ITGA8: variants seen among roughly 807,000 people sequenced by gnomAD.
ITGA8 encodes integrin subunit alpha 8.
A neutral mutation model predicts 142.3 loss-of-function variants in ITGA8; 91 were observed. The observed-to-expected ratio is 0.64, with a 90% CI of 0.54 to 0.76. The LOEUF is 0.76. ITGA8 is among the 30% of genes least tolerant of loss of function. The pLI, the probability that ITGA8 is intolerant of heterozygous loss-of-function variation, is 0.00. For missense variants in ITGA8, 1,406 were observed against 1,327.7 expected (o/e 1.06, Z -0.92); for synonymous variants, 505 against 485.2 (o/e 1.04, Z -0.54).
intron 2 of ITGA8, among the ~76,000 whole-genome samples, chr10:15,689,171 A>G (rs1164561994): frequency 6.6e-6 from 1 of 152,126 alleles, no homozygotes; most frequent in African/African-American, 2.4e-5. Flanking sequence ...ACATACAAAA[A>G]CCCCATTTAC....
intron 21 of ITGA8, among the ~76,000 whole-genome samples, chr10:15,592,763 C>T (rs1334342600): frequency 2.0e-5 from 3 of 152,158 alleles, no homozygotes; most frequent in East Asian, 3.8e-4. Context: ...CACCACCACA[C>T]CTGGTTAACT....
intron 21 of ITGA8, among the ~76,000 whole-genome samples, chr10:15,593,223 T>A (rs1177383082): frequency 6.6e-6 from 1 of 152,230 alleles, no homozygotes; most frequent in Non-Finnish European, 1.5e-5. Context: ...CTGCTTTTAT[T>A]ATTTTCATAA....
intron 13 of ITGA8, among the ~76,000 whole-genome samples, chr10:15,624,537 G>T (rs1024119592): frequency 2.6e-5 from 4 of 152,090 alleles, no homozygotes; most frequent in Non-Finnish European, 5.9e-5. Flanking sequence ...CCAGTTTCTG[G>T]CTTTCTCCCT....
chr10:15,611,819 A>G (rs12413989), intron 15 of ITGA8, among the ~76,000 whole-genome samples: 2 of 151,434 alleles, frequency 1.3e-5, no homozygotes, highest in African/African-American at 2.4e-5. Context: ...AAAAAAAAAA[A>G]ACCACACACT....
intron 24 of ITGA8, 94 bp downstream of exon 24, chr10:15,575,395 T>A: frequency 1.1e-6 from 1 of 902,928 alleles, no homozygotes; most frequent in Non-Finnish European, 1.8e-6. Flanking sequence ...GTCTCAATAA[T>A]AATAATGATA....
chr10:15,645,188 T>C (rs1245521229), intron 12 of ITGA8, among the ~76,000 whole-genome samples: 4 of 152,118 alleles, frequency 2.6e-5, no homozygotes, highest in Admixed American at 6.6e-5. Flanking sequence ...AGGAACACTT[T>C]CGACACTTTC....
chr10:15,672,660 C>T lies in ITGA8; in HGVS notation c.766G>A (p.Glu256Lys). ...TCATCATAGGAAGCTGGAGCCACTT[C>T]CGTCTGCTTTTCTCCTGCCAGTTTC... ...LRKLAGEKQTEVAPASYDDSY... is the reference protein window; with the variant it reads ...LRKLAGEKQTKVAPASYDDSY... The change falls in exon 7 of 30, where the codon GAA (glutamate) becomes AAA (lysine). Residue 256 changes from glutamate to lysine, a missense_variant. Transcript: ENST00000378076. 1 of 1,613,858 alleles carries T rather than the reference C, an allele frequency of 6.2e-7. No individual in the cohort carries two copies. The highest frequency in any genetic ancestry group is 2.2e-5 in the East Asian group (1 of 44,838).
intron 7 of ITGA8, among the ~76,000 whole-genome samples, 181 bp from the exon 8 acceptor site, chr10:15,671,828 A>T (rs1199393758): frequency 6.6e-6 from 1 of 150,826 alleles, no homozygotes; most frequent in African/African-American, 2.4e-5. Flanking sequence ...ACACTTTTAT[A>T]CTAAGTCCTG....
intron 13 of ITGA8, among the ~76,000 whole-genome samples, chr10:15,627,854 A>T (rs1047209550): frequency 1.3e-5 from 2 of 152,120 alleles, no homozygotes; most frequent in African/African-American, 2.4e-5. Flanking sequence ...ATTCTGAGTC[A>T]CAGGATGAGA....
At chr10:15,662,656 C>A (rs1394044099) in intron 8 of ITGA8, among the ~76,000 whole-genome samples, 1 of 152,138 alleles carries the variant, frequency 6.6e-6, no homozygotes, top group African/African-American at 2.4e-5. Context: ...TTTTAATAAT[C>A]AATATAATCA....
rs370014491 is a variant in ITGA8 at position 15,592,311 on chromosome 10, A to C, written c.2212-7T>G. The C allele has an allele frequency of 7.1e-5, 114 of 1,601,228 alleles. No homozygotes were observed. In the African/African-American group the frequency reaches 1.4e-3, roughly 19 times the overall value. On this transcript the variant is annotated splice_region_variant and splice_polypyrimidine_tract_variant and intron_variant, in intron 21 of 29. Coordinates refer to ENST00000378076, the MANE Select transcript of ITGA8 (RefSeq NM_003638.3). The stretch of plus-strand genomic sequence containing the variant: ...ATCGGAGGCCCAGGGAATACTAAAA[A>C]ATAAAATAAAATCACACAAGAGTAG...
At chr10:15,677,397 A>G (rs888072134) in intron 6 of ITGA8, among the ~76,000 whole-genome samples, 195 bp downstream of exon 6, 3 of 152,240 alleles carry the variant, frequency 2.0e-5, no homozygotes, top group Non-Finnish European at 2.9e-5. Flanking sequence ...CATGTACCCC[A>G]TAAATATGTA....
chr10:15,639,798 T>G (rs1404976568), intron 13 of ITGA8, among the ~76,000 whole-genome samples: 1 of 152,176 alleles, frequency 6.6e-6, no homozygotes, highest in Non-Finnish European at 1.5e-5. Flanking sequence ...GTTTGGAGGG[T>G]GGCCTGAACA....
intron 28 of ITGA8, among the ~76,000 whole-genome samples, chr10:15,520,169 T>C (rs1833030836): frequency 6.6e-6 from 1 of 152,140 alleles, no homozygotes; most frequent in Non-Finnish European, 1.5e-5. Flanking sequence ...CCTAGCACTT[T>C]GGGAGGCCAA....
At chr10:15,596,974 G>C (rs1833020778) in intron 21 of ITGA8, 1 of 462,502 alleles carries the variant, frequency 2.2e-6, no homozygotes, top group African/African-American at 1.9e-5. Flanking sequence ...ACAGGCAAGA[G>C]TAATGTATAA....
intron 23 of ITGA8, among the ~76,000 whole-genome samples, chr10:15,580,378 G>C (rs1196714802): frequency 6.6e-6 from 1 of 152,032 alleles, no homozygotes; most frequent in African/African-American, 2.4e-5. Context: ...AAGTTGACTT[G>C]TTCAAAACCT....
At chr10:15,616,975 A>G (rs1430479624) in intron 13 of ITGA8, among the ~76,000 whole-genome samples, 1 of 152,228 alleles carries the variant, frequency 6.6e-6, no homozygotes, top group Non-Finnish European at 1.5e-5. Context: ...GTATTAACCC[A>G]GAAGTGGAAC....
At chr10:15,606,938 T>C (rs569201135) in intron 17 of ITGA8, among the ~76,000 whole-genome samples, 1 of 152,182 alleles carries the variant, frequency 6.6e-6, no homozygotes, top group African/African-American at 2.4e-5. Flanking sequence ...GAAACAGAAC[T>C]CCTTTAGTAG....
chr10:15,618,926 C>T (rs1003210850), intron 13 of ITGA8, among the ~76,000 whole-genome samples: 2 of 152,200 alleles, frequency 1.3e-5, no homozygotes, highest in Admixed American at 6.5e-5. Context: ...CTGACTGATA[C>T]ACTGTACATG....
Sources: gnomAD v4.1 joint callset for allele counts (sites outside exome capture counted in the v4.1 genomes callset) on GRCh38, gnomAD v4.1.1 for gene constraint, MANE v1.5 for transcripts, NCBI Gene and HGNC (gene_info 2026-07-23, HGNC 2026-07-21) for gene names.